The following SMTNL1 variants were observed in gnomAD, a reference collection of about 807,000 sequenced individuals.
The protein encoded by SMTNL1 is smoothelin-like protein 1.
In SMTNL1, 41 loss-of-function variants were observed where a neutral mutation model predicts 46.6. That is an observed-to-expected ratio of 0.88 (90% CI 0.69 to 1.14). SMTNL1 has a LOEUF of 1.14. SMTNL1 is among the 50% of genes most tolerant of loss of function. The probability of loss-of-function intolerance (pLI) is 0.00; values close to 1 mark genes in which losing one functional copy is unlikely to be tolerated. For missense variants in SMTNL1, 591 were observed against 626.1 expected, an observed-to-expected ratio of 0.94 and a Z score of 0.60; for synonymous variants, 234 against 234.2, an observed-to-expected ratio of 1.00 and a Z score of 0.01.
chr11:57,542,819 G>A lies in SMTNL1; in HGVS notation c.177G>A (p.Glu59=), dbSNP rs1402742620. 2 of 1,613,790 alleles carry A rather than the reference G, an allele frequency of 1.2e-6. No homozygotes were observed. The highest frequency in any genetic ancestry group is 4.5e-5 in the East Asian group (2 of 44,882). The change falls in exon 2 of 8, where the codon GAG becomes GAA. Residue 59 remains glutamate (E), a synonymous_variant. Transcript: ENST00000527972. ...ESGKQEKAPA[E]DGMSAELQGE... ...GAAAGCAGGAAAAGGCACCAGCCGA[G>A]GACGGCATGTCAGCAGAACTCCAGG...
At chr11:57,548,379 A>T (rs1488708226) in intron 7 of SMTNL1, among the ~76,000 whole-genome samples, 1 of 152,168 alleles carries the variant, frequency 6.6e-6, no homozygotes, top group Non-Finnish European at 1.5e-5. Flanking sequence ...CCCTATTAAA[A>T]AATACCACAG....
At chr11:57,546,688 G>A (rs1944926358) in intron 7 of SMTNL1, 36 bp downstream of exon 7, 1 of 1,597,072 alleles carries the variant, frequency 6.3e-7, no homozygotes, top group South Asian at 1.1e-5. Flanking sequence ...AGCTGGATGG[G>A]AGCCTAGGCG....
chr11:57,537,846 C>T (rs1944840903), intron 1 of SMTNL1, among the ~76,000 whole-genome samples: 1 of 152,170 alleles, frequency 6.6e-6, no homozygotes, highest in Admixed American at 6.5e-5. Flanking sequence ...GAGCAGACTG[C>T]AAGTGGCCAT....
chr11:57,546,777 T>G (rs2135266686), intron 7 of SMTNL1, 125 bp downstream of exon 7: 1 of 1,229,846 alleles, frequency 8.1e-7, no homozygotes, highest in African/African-American at 1.5e-5. Flanking sequence ...CCAACAGACA[T>G]TTTTTGAGGG....
chr11:57,543,563 C>T, intron 2 of SMTNL1, 61 bp from the exon 3 acceptor site: 1 of 1,570,080 alleles, frequency 6.4e-7, no homozygotes, highest in Non-Finnish European at 8.6e-7. Flanking sequence ...TTCTGAAGTC[C>T]TCATGAAGCC....
In SMTNL1 at chr11:57,543,657, G is replaced by T; in HGVS notation, c.766G>T (p.Asp256Tyr). The T allele has an allele frequency of 6.2e-7, 1 of 1,606,814 alleles. No homozygotes were observed. The highest frequency in any genetic ancestry group is 1.1e-5 in the South Asian group (1 of 89,100). The stretch of plus-strand genomic sequence containing the variant: ...CAGTCCCAGCGAAGAGCAGGAGCAG[G>T]ACGTGGAAAAAGAGCCAGAGGGAGG... Reference protein sequence around the residue: ...PGSPSEEQEQDVEKEPEGGAG... With the variant: ...PGSPSEEQEQYVEKEPEGGAG... The change falls in exon 3 of 8, where the codon GAC becomes TAC. Residue 256 changes from aspartate (D) to tyrosine (Y), a missense_variant. Transcript: ENST00000527972.
At chr11:57,545,578 C>T (rs1044072539) in intron 4 of SMTNL1, among the ~76,000 whole-genome samples, 5 of 149,776 alleles carry the variant, frequency 3.3e-5, no homozygotes, top group African/African-American at 1.2e-4. Flanking sequence ...GCACTCCAGC[C>T]TGGGCAACAA....
rs57091714 is a variant in SMTNL1, at chr11:57,542,104, C to CAA, written c.-2-528_-2-527dup. 1.6e-3 allele frequency among the ~76,000 whole-genome samples: 216 copies of CAA among 138,478 alleles called. 1 individual carries two copies. Among genetic ancestry groups the CAA allele is most frequent in the African/African-American group, 2.8e-3 (102 of 35,802 alleles). 90.8% of individuals were successfully genotyped at this position (138,478 alleles called of 152,430 possible). A position where few individuals can be genotyped will look rare whatever the true frequency, so the allele number is the denominator to read the frequency against. On this transcript the variant is annotated intron_variant, in intron 1 of 7. Coordinates refer to ENST00000527972, the MANE Select transcript of SMTNL1 (RefSeq NM_001105565.3). Reference sequence around the variant, plus strand: ...GCAACATGGCAAAACCCCATCTCTACAAAAAAAAAACACACACACACACAC... The same window carrying CAA: ...GCAACATGGCAAAACCCCATCTCTACAAAAAAAAAAAACACACACACACACAC...
Position 57,543,198 on chromosome 11 carries a change from A to G in SMTNL1, c.556A>G (p.Ser186Gly), listed in dbSNP as rs780412127. ...GGAGACAGGCCAGAGGAAAGAGTGC[A>G]GCACTGAACCCAAGGAGAAGGCTAC... ...QEETGQRKEC[S>G]TEPKEKATDE... The change falls in exon 2 of 8, where the codon AGC (serine) becomes GGC (glycine). Residue 186 changes from serine (S) to glycine (G), a missense_variant. Coordinates refer to ENST00000527972, the MANE Select transcript of SMTNL1 (RefSeq NM_001105565.3). 7 of 1,613,800 alleles carry G rather than the reference A, an allele frequency of 4.3e-6. No homozygotes were observed. Among genetic ancestry groups the G allele is most frequent in the Non-Finnish European group, 5.9e-6 (7 of 1,179,862 alleles).
intron 1 of SMTNL1, among the ~76,000 whole-genome samples, chr11:57,538,966 A>T (rs1252480810): frequency 6.6e-6 from 1 of 152,140 alleles, no homozygotes; most frequent in Non-Finnish European, 1.5e-5. Context: ...GGTGATAAAC[A>T]CGCAGGATAG....
At chr11:57,543,828 G>A in intron 3 of SMTNL1, 41 bp from the exon 4 acceptor site, 1 of 1,569,498 alleles carries the variant, frequency 6.4e-7, no homozygotes, top group South Asian at 1.2e-5. Context: ...AGCATGCCAT[G>A]GATAGCCCCA....
Position 57,546,660 on chromosome 11 carries a change from A to T in SMTNL1, c.1340+8A>T. 6.2e-7 allele frequency: 1 copy of T among 1,612,074 alleles called. No individual in the cohort carries two copies. On this transcript the variant is annotated splice_region_variant and intron_variant, in intron 7 of 7. Transcript: ENST00000527972. ...GGCCTTCTCCACAGCAGAGTAAGCC[A>T]CAGCCATGGGCTGGCAGAGCTGGAT...
Position 57,543,934 on chromosome 11 carries a change from C to A in SMTNL1, c.917+14C>A. ...TCCTTCAGCCAGGTAATGTCAAACT[C>A]TGGGGCTCCAGCTCCAATTCCCCCT... On this transcript the variant is annotated intron_variant, in intron 4 of 7. Coordinates refer to ENST00000527972, the MANE Select transcript of SMTNL1 (RefSeq NM_001105565.3). 6.4e-7 allele frequency: 1 copy of A among 1,573,476 alleles called. No individual in the cohort carries two copies. Among genetic ancestry groups the A allele is most frequent in the East Asian group, 2.3e-5 (1 of 42,690 alleles).
rs1305812300 is a variant in SMTNL1 at position 57,546,544 on chromosome 11, T to G, written c.1232T>G (p.Met411Arg). Reference sequence around the variant, plus strand: ...TTCTCCTCCAGCTGGAGCAGTGGTATGGCCTTCTGTGCCCTCATCCACAAG... The same window carrying G: ...TTCTCCTCCAGCTGGAGCAGTGGTAGGGCCTTCTGTGCCCTCATCCACAAG... ...QNFSSSWSSG[M>R]AFCALIHKFF... The change falls in exon 7 of 8, where the codon ATG (methionine) becomes AGG (arginine). Residue 411 changes from methionine (M) to arginine (R), a missense_variant. Transcript: ENST00000527972. 3.7e-6 allele frequency: 6 copies of G among 1,614,092 alleles called. No individual in the cohort carries two copies. Among genetic ancestry groups the G allele is most frequent in the Non-Finnish European group, 5.1e-6 (6 of 1,180,032 alleles).
At chr11:57,549,770 G>T (rs541838057) in intron 7 of SMTNL1, among the ~76,000 whole-genome samples, 198 bp from the exon 8 acceptor site, 29 of 152,186 alleles carry the variant, frequency 1.9e-4, no homozygotes, top group South Asian at 1.2e-3. Context: ...ACCTGGCCTG[G>T]GTTTGTCTTA....
chr11:57,545,996 C>CG lies in SMTNL1; in HGVS notation c.1036dup (p.Ala346GlyfsTer26), dbSNP rs1565155992. ...AGCCCCTGCTCGGCCCCGGGGGCCCCGGGCACAGAACCGCAAAGCCATCGT... is the reference window on the plus strand; with the variant it reads ...AGCCCCTGCTCGGCCCCGGGGGCCCCGGGGCACAGAACCGCAAAGCCATCGT... On this transcript the variant is annotated frameshift_variant, in exon 5 of 8. Coordinates refer to ENST00000527972, the MANE Select transcript of SMTNL1 (RefSeq NM_001105565.3). LOFTEE classifies it high-confidence loss of function. The CG allele has an allele frequency of 6.2e-7, 1 of 1,602,602 alleles. No individual in the cohort carries two copies. The highest frequency in any genetic ancestry group is 8.5e-7 in the Non-Finnish European group (1 of 1,175,204).
chr11:57,541,622 C>T (rs755999871), intron 1 of SMTNL1: 80 of 1,347,282 alleles, frequency 5.9e-5, no homozygotes, highest in Non-Finnish European at 7.6e-5. Context: ...CCAAAAACCA[C>T]AGGCTGGTAG....
intron 1 of SMTNL1, chr11:57,541,606 C>A (rs1944878584): frequency 7.4e-7 from 1 of 1,354,652 alleles, no homozygotes; most frequent in Non-Finnish European, 9.8e-7. Flanking sequence ...CCCAGGCCCA[C>A]CTTTTCCAAA....
chr11:57,550,010 G>C lies in SMTNL1; in HGVS notation c.1383G>C (p.Met461Ile). Residue 461 changes from methionine (M) to isoleucine (I), a missense_variant, in exon 8 of 8, where the codon ATG becomes ATC. Transcript: ENST00000527972. ...CTCAGCTGCTGGACGTGGATGACAT[G>C]GTGCGGTTGGCTGTGCCCGACTCCA... ...DCAQLLDVDD[M>I]VRLAVPDSKC... is the part of the protein sequence containing the mutation. The C allele has an allele frequency of 6.2e-7, 1 of 1,613,986 alleles. No homozygotes were observed. Among genetic ancestry groups the C allele is most frequent in the Non-Finnish European group, 8.5e-7 (1 of 1,179,894 alleles).
Sources: allele counts gnomAD v4.1 joint callset (sites outside exome capture counted in the v4.1 genomes callset), GRCh38; gene constraint gnomAD v4.1.1; transcripts MANE v1.5; gene names NCBI Gene and HGNC (gene_info 2026-07-23, HGNC 2026-07-21).